SLC39A14: variants seen among roughly 807,000 people sequenced by gnomAD.
SLC39A14 encodes the protein metal cation symporter ZIP14.
SLC39A14 carries 19 observed loss-of-function variants against 45.5 expected under a neutral mutation model. The observed-to-expected ratio is 0.42, with a 90% CI of 0.29 to 0.61. The LOEUF is 0.61. Among genes scored for constraint, SLC39A14 ranks in the 20% least tolerant of loss-of-function variants. The pLI, the probability that SLC39A14 is intolerant of heterozygous loss-of-function variation, is 0.22. For synonymous variants in SLC39A14, 264 were observed against 251.3 expected (o/e 1.05, Z -0.48); for missense variants, 447 against 616.5 (o/e 0.73, Z 2.91).
chr8:22,409,756 C>G (rs568414525), intron 3 of SLC39A14, among the ~76,000 whole-genome samples: 2 of 152,268 alleles, frequency 1.3e-5, no homozygotes, highest in East Asian at 3.9e-4. Context: ...TCTTGGATAG[C>G]AATTTTGATA....
At chr8:22,405,213 T>C (rs964839373) in intron 2 of SLC39A14, among the ~76,000 whole-genome samples, 1 of 152,150 alleles carries the variant, frequency 6.6e-6, no homozygotes, top group African/African-American at 2.4e-5. Context: ...CTGAAGCCCT[T>C]AACAAAAGGC....
downstream of SLC39A14, among the ~76,000 whole-genome samples, chr8:22,423,421 C>T (rs1172226221): frequency 6.6e-5 from 10 of 151,946 alleles, no homozygotes; most frequent in Admixed American, 4.6e-4. Context: ...CTGCAAACTC[C>T]GCTTCCCGGG....
rs192115160 is a variant in SLC39A14 at position 22,369,859 on chromosome 8, T to G, written c.-16+2451T>G. Among the ~76,000 whole-genome samples, 26 of 152,128 alleles carry G rather than the reference T, an allele frequency of 1.7e-4. 1 individual carries two copies. The East Asian group carries it at 4.1e-3, about 24-fold the overall frequency. ...GTTATTTAGGGGTCCCAGAGGCTGA[T>G]AGTTGGGTTGGGTTGTAGGAATGGT... On this transcript the variant is annotated intron_variant, in intron 1 of 8. Coordinates refer to ENST00000381237, the MANE Select transcript of SLC39A14 (RefSeq NM_001128431.4).
At chr8:22,382,933 G>C (rs1038358638) in intron 1 of SLC39A14, among the ~76,000 whole-genome samples, 1 of 151,434 alleles carries the variant, frequency 6.6e-6, no homozygotes, top group African/African-American at 2.4e-5. Flanking sequence ...GGCCAGGTTA[G>C]TCTCAAACTC....
intron 8 of SLC39A14, among the ~76,000 whole-genome samples, chr8:22,433,174 A>G (rs1003712272): frequency 6.6e-6 from 1 of 152,002 alleles, no homozygotes; most frequent in African/African-American, 2.4e-5. Context: ...AATTTTTTTT[A>G]TTACACCACC....
At chr8:22,426,181 C>T (rs564703789), downstream of SLC39A14, among the ~76,000 whole-genome samples, 5 of 151,524 alleles carry the variant, frequency 3.3e-5, no homozygotes, top group East Asian at 5.9e-4. Flanking sequence ...CGTGAGCCAC[C>T]GCGCCCGGCT....
intron 1 of SLC39A14, among the ~76,000 whole-genome samples, chr8:22,374,934 T>TG (rs922485563): frequency 6.6e-6 from 1 of 151,964 alleles, no homozygotes; most frequent in Non-Finnish European, 1.5e-5. Context: ...TTAGTAGAGA[T>TG]GGGGTTCCAC....
At chr8:22,406,515 A>C (rs35686458) in intron 2 of SLC39A14, among the ~76,000 whole-genome samples, 85,319 of 151,720 alleles carry the variant, frequency 0.56, 24,901 homozygotes, top group African/African-American at 0.73. Flanking sequence ...AACACGGTGA[A>C]ACTCCGTCTC....
chr8:22,430,408 A>G (rs770161128), intron 8 of SLC39A14, among the ~76,000 whole-genome samples: 43 of 152,232 alleles, frequency 2.8e-4, no homozygotes, highest in South Asian at 6.2e-4. Context: ...AATCAGTTTT[A>G]TGCTTTAAGT....
At position 22,422,524 on chromosome 8, in the gene SLC39A14, T is replaced by C; in HGVS notation, c.*2826T>C. 1 of 985,750 alleles carries C rather than the reference T, an allele frequency of 1.0e-6. No homozygotes were observed. The highest frequency in any genetic ancestry group is 1.2e-6 in the Non-Finnish European group (1 of 829,808). The allele number at this position is 985,750 out of a possible 1,614,324, so 61.1% of individuals were successfully genotyped here. A position where few individuals can be genotyped will look rare whatever the true frequency, so the allele number is the denominator to read the frequency against. On this transcript the variant is annotated 3_prime_UTR_variant, in exon 9 of 9. Transcript: ENST00000381237. Reference sequence around the variant, plus strand: ...TTTGCAAGAGAGGTTAGGATTTTATTGTTCTTATTTCCCTTTACAGTTCTG... The same window carrying C: ...TTTGCAAGAGAGGTTAGGATTTTATCGTTCTTATTTCCCTTTACAGTTCTG...
chr8:22,389,074 C>A (rs1398155516), intron 1 of SLC39A14, among the ~76,000 whole-genome samples: 3 of 152,168 alleles, frequency 2.0e-5, no homozygotes, highest in Admixed American at 2.0e-4. Flanking sequence ...GCGCTTCTTA[C>A]CTGTTTTGGT....
Position 22,422,557 on chromosome 8 carries a change from A to C in SLC39A14, c.*2859A>C, listed in dbSNP as rs570536225. 1 of 985,440 alleles carries C rather than the reference A, an allele frequency of 1.0e-6. No homozygotes were observed. The highest frequency in any genetic ancestry group is 4.7e-5 in the South Asian group (1 of 21,272). 61.0% of individuals were successfully genotyped at this position (985,440 alleles called of 1,614,324 possible). A position where few individuals can be genotyped will look rare whatever the true frequency, so the allele number is the denominator to read the frequency against. On this transcript the variant is annotated 3_prime_UTR_variant, in exon 9 of 9. Transcript: ENST00000381237. ...TTTCCCTTTACAGTTCTGCAGTTCCATCACAGTATTTTTTTAAATAACTCA... is the reference window on the plus strand; with the variant it reads ...TTTCCCTTTACAGTTCTGCAGTTCCCTCACAGTATTTTTTTAAATAACTCA...
chr8:22,433,230 C>G (rs1396014399), intron 8 of SLC39A14, among the ~76,000 whole-genome samples: 1 of 152,122 alleles, frequency 6.6e-6, no homozygotes, highest in Non-Finnish European at 1.5e-5. Flanking sequence ...AGATTATGCT[C>G]AGTGAGGGTA....
At chr8:22,432,681 C>G (rs553213683) in intron 8 of SLC39A14, among the ~76,000 whole-genome samples, 17 of 142,078 alleles carry the variant, frequency 1.2e-4, no homozygotes, top group African/African-American at 4.5e-4. Context: ...GAGTCCCGCT[C>G]TTGTTGCCCA....
Position 22,420,772 on chromosome 8 carries a change from TA to T in SLC39A14, c.*1075del, listed in dbSNP as rs796335349. 1.6e-4 allele frequency: 157 copies of T among 985,360 alleles called. 1 individual carries two copies. In the African/African-American group the frequency reaches 2.6e-3, roughly 17 times the overall value. 61.0% of individuals were successfully genotyped at this position (985,360 alleles called of 1,614,324 possible). ...CTTCCATAAATCAAAGCATGACTAA[TA>T]GGGGGTCTCTGAAATGTAAGGGCAC... On this transcript the variant is annotated 3_prime_UTR_variant, in exon 9 of 9. Coordinates refer to ENST00000381237, the MANE Select transcript of SLC39A14 (RefSeq NM_001128431.4).
chr8:22,381,511 C>A (rs890803983), intron 1 of SLC39A14, among the ~76,000 whole-genome samples: 2 of 152,080 alleles, frequency 1.3e-5, no homozygotes, highest in Non-Finnish European at 2.9e-5. Flanking sequence ...ACCTCATGAT[C>A]CGCCCGCCTC....
chr8:22,409,608 C>T (rs895476467), intron 3 of SLC39A14, among the ~76,000 whole-genome samples: 1 of 152,308 alleles, frequency 6.6e-6, no homozygotes, highest in South Asian at 2.1e-4. Context: ...TCTCGAACTC[C>T]TGACCTCAGG....
chr8:22,373,956 C>T (rs954295664), intron 1 of SLC39A14, among the ~76,000 whole-genome samples: 11 of 152,152 alleles, frequency 7.2e-5, no homozygotes, highest in Admixed American at 1.3e-4. Context: ...CATGGGGTTT[C>T]GCCATGGTGG....
chr8:22,389,323 T>C (rs572585100), intron 1 of SLC39A14, among the ~76,000 whole-genome samples: 1 of 152,140 alleles, frequency 6.6e-6, no homozygotes, highest in Non-Finnish European at 1.5e-5. Flanking sequence ...ACCCCTTTCC[T>C]GGAGAAATTA....
Sources: gnomAD v4.1 joint callset for allele counts (sites outside exome capture counted in the v4.1 genomes callset) on GRCh38, gnomAD v4.1.1 for gene constraint, MANE v1.5 for transcripts, NCBI Gene and HGNC (gene_info 2026-07-23, HGNC 2026-07-21) for gene names.